Variants in GRM7 observed in about 807,000 individuals in gnomAD.
The protein encoded by GRM7 is metabotropic glutamate receptor 7.
In GRM7, 35 loss-of-function variants were observed where a neutral mutation model predicts 84.5. That is an observed-to-expected ratio of 0.41 (90% CI 0.32 to 0.55). The LOEUF (loss-of-function observed/expected upper bound fraction) is 0.55. GRM7 is among the 20% of genes least tolerant of loss of function. The pLI is 0.19. For synonymous variants in GRM7, 487 were observed against 455.1 expected, an observed-to-expected ratio of 1.07 and a Z score of -0.89; for missense variants, 1,003 against 1,194.6, an observed-to-expected ratio of 0.84 and a Z score of 2.36.
At chr3:7,573,942 A>C (rs1271265862) in intron 7 of GRM7, among the ~76,000 whole-genome samples, 1 of 152,306 alleles carries the variant, frequency 6.6e-6, no homozygotes, top group Non-Finnish European at 1.5e-5. Context: ...TGCAATTAGT[A>C]GATGGCCATG....
At chr3:7,473,654 C>T (rs1698804646) in intron 7 of GRM7, among the ~76,000 whole-genome samples, 1 of 152,058 alleles carries the variant, frequency 6.6e-6, no homozygotes, top group Admixed American at 6.6e-5. Context: ...CAGAATTGTG[C>T]AAAGCCTGTG....
chr3:7,593,662 G>A (rs139809297), intron 8 of GRM7, among the ~76,000 whole-genome samples: 8 of 152,230 alleles, frequency 5.3e-5, no homozygotes, highest in East Asian at 1.9e-4. Context: ...TGTGAGTGGC[G>A]TGAGAAACAG....
rs561570520 is a variant in GRM7, at chr3:7,649,296, C to T, written c.2452-30753C>T. 1.5e-3 allele frequency among the ~76,000 whole-genome samples: 233 copies of T among 152,152 alleles called. 2 individuals carry two copies. Among genetic ancestry groups the T allele is most frequent in the Middle Eastern group, 0.014 (4 of 294 alleles). On this transcript the variant is annotated intron_variant, in intron 8 of 9. Transcript: ENST00000357716. ...GTGTTAGCCAGGATAGTCCCGATCT[C>T]CTGACCTCGTGATCCTCCTGCCTCG...
chr3:7,324,260 T>C (rs1437091721), intron 4 of GRM7, among the ~76,000 whole-genome samples: 1 of 152,222 alleles, frequency 6.6e-6, no homozygotes, highest in Non-Finnish European at 1.5e-5. Context: ...AAAAATCTAG[T>C]TACTCTCCTT....
intron 1 of GRM7, among the ~76,000 whole-genome samples, chr3:7,004,698 CTCTT>C (rs1695124054): frequency 2.6e-5 from 4 of 152,196 alleles, no homozygotes; most frequent in Admixed American, 1.3e-4. Context: ...ATTGTAACAG[CTCTT>C]TCTTTTCAAT....
intron 2 of GRM7, among the ~76,000 whole-genome samples, chr3:7,244,190 AC>A (rs1471417774): frequency 6.6e-6 from 1 of 152,096 alleles, no homozygotes; most frequent in Non-Finnish European, 1.5e-5. Context: ...TATTTTATAA[AC>A]TTTTAACTCT....
chr3:7,659,589 C>T (rs761128231), intron 8 of GRM7, among the ~76,000 whole-genome samples: 1 of 152,140 alleles, frequency 6.6e-6, no homozygotes, highest in African/African-American at 2.4e-5. Flanking sequence ...TTGGAAGCCC[C>T]ATCTGTTCAC....
chr3:7,176,568 T>C (rs954807021), intron 2 of GRM7, among the ~76,000 whole-genome samples: 3 of 152,240 alleles, frequency 2.0e-5, no homozygotes, highest in Non-Finnish European at 4.4e-5. Flanking sequence ...CTACTCCTCT[T>C]TTAAAGAGTT....
chr3:7,561,920 G>A (rs1694043728), intron 7 of GRM7, among the ~76,000 whole-genome samples: 1 of 152,170 alleles, frequency 6.6e-6, no homozygotes, highest in African/African-American at 2.4e-5. Flanking sequence ...TTCAGTGGCA[G>A]TGGGTGGTGA....
chr3:7,689,862 T>G (rs1319081869), intron 9 of GRM7, among the ~76,000 whole-genome samples: 1 of 151,544 alleles, frequency 6.6e-6, no homozygotes, highest in Non-Finnish European at 1.5e-5. Context: ...TGACTAGGAG[T>G]GGGGGACAGG....
intron 1 of GRM7, among the ~76,000 whole-genome samples, chr3:6,931,411 C>G (rs983330348): frequency 1.3e-5 from 2 of 152,162 alleles, no homozygotes; most frequent in African/African-American, 4.8e-5. Context: ...TAGTGCCCTT[C>G]TTGGAGACTG....
At chr3:7,498,267 C>T (rs999982057) in intron 7 of GRM7, among the ~76,000 whole-genome samples, 1 of 152,154 alleles carries the variant, frequency 6.6e-6, no homozygotes, top group Admixed American at 6.5e-5. Flanking sequence ...TGAATGACCT[C>T]TCCCAAGGGG....
intron 9 of GRM7, among the ~76,000 whole-genome samples, chr3:7,726,599 G>A (rs115199569): frequency 0.018 from 1,350 of 74,536 alleles, 32 homozygotes; most frequent in African/African-American, 0.064. Context: ...CATTTTCTCC[G>A]TCTCTCTCTC....
rs183683453 is a variant in GRM7 at position 7,487,068 on chromosome 3, T to C, written c.1515+25346T>C. On this transcript the variant is annotated intron_variant, in intron 7 of 9. Coordinates refer to ENST00000357716, the MANE Select transcript of GRM7 (RefSeq NM_000844.4). ...TATCTTATTGGGATTTGAAGTAAAA[T>C]ACAGTTGTGAAGAACTTGGCACCAT... 3.0e-3 allele frequency among the ~76,000 whole-genome samples: 453 copies of C among 152,240 alleles called. 1 individual carries two copies. Among genetic ancestry groups the C allele is most frequent in the African/African-American group, 0.011 (440 of 41,558 alleles).
At chr3:7,317,547 A>G (rs1039806514) in intron 4 of GRM7, among the ~76,000 whole-genome samples, 1 of 152,070 alleles carries the variant, frequency 6.6e-6, no homozygotes, top group African/African-American at 2.4e-5. Flanking sequence ...ATCGCCACCA[A>G]TTACTCTGTA....
chr3:7,563,006 G>C (rs897216269), intron 7 of GRM7, among the ~76,000 whole-genome samples: 1 of 152,096 alleles, frequency 6.6e-6, no homozygotes, highest in Non-Finnish European at 1.5e-5. Context: ...AAAATAGAAA[G>C]TAGGGGAATA....
chr3:7,732,562 G>A (rs559381712), intron 9 of GRM7, among the ~76,000 whole-genome samples: 30 of 152,130 alleles, frequency 2.0e-4, no homozygotes, highest in African/African-American at 6.0e-4. Context: ...GGACATTACC[G>A]AGAGGGAAAA....
intron 1 of GRM7, among the ~76,000 whole-genome samples, chr3:6,925,858 C>T (rs1485361237): frequency 1.3e-5 from 2 of 152,294 alleles, no homozygotes; most frequent in African/African-American, 4.8e-5. Context: ...TGTAGCCCAT[C>T]ATCACATCCC....
At chr3:7,306,075 C>T (rs1281911298) in intron 3 of GRM7, among the ~76,000 whole-genome samples, 1 of 152,022 alleles carries the variant, frequency 6.6e-6, no homozygotes, top group African/African-American at 2.4e-5. Flanking sequence ...TATTGCTTTT[C>T]AGAGATAGTG....
Sources: allele counts gnomAD v4.1 joint callset (sites outside exome capture counted in the v4.1 genomes callset), GRCh38; gene constraint gnomAD v4.1.1; transcripts MANE v1.5; gene names NCBI Gene and HGNC (gene_info 2026-07-23, HGNC 2026-07-21).